PDE7B: variants seen among roughly 807,000 people sequenced by gnomAD.
PDE7B encodes the protein 3',5'-cyclic-AMP phosphodiesterase 7B.
In PDE7B, 29 loss-of-function variants were observed where a neutral mutation model predicts 56.2. The observed-to-expected ratio is 0.52, with a 90% CI of 0.38 to 0.70. PDE7B has a LOEUF of 0.70. Ranked by LOEUF, PDE7B falls within the 30% of genes least tolerant of loss-of-function variation. PDE7B has a pLI of 0.00. For synonymous variants in PDE7B, 197 were observed against 196.9 expected, an observed-to-expected ratio of 1.00 and a Z score of 0.00; for missense variants, 490 against 565.0, an observed-to-expected ratio of 0.87 and a Z score of 1.35.
chr6:136,130,039 G>A (rs972275368), intron 3 of PDE7B, among the ~76,000 whole-genome samples: 2 of 152,140 alleles, frequency 1.3e-5, no homozygotes, highest in Non-Finnish European at 2.9e-5. Flanking sequence ...CAATATAGGT[G>A]TATGTAAGCT....
chr6:136,025,016 G>A (rs1776128829), intron 2 of PDE7B, among the ~76,000 whole-genome samples: 1 of 152,112 alleles, frequency 6.6e-6, no homozygotes, highest in Admixed American at 6.5e-5. Context: ...CCATGTTAAT[G>A]GGGGAAAAGT....
chr6:136,151,837 G>C (rs1417388987), intron 6 of PDE7B, among the ~76,000 whole-genome samples: 1 of 116,910 alleles, frequency 8.6e-6, no homozygotes. Context: ...TACTTGGGAG[G>C]CTGAGGCAGG....
At position 136,092,693 on chromosome 6, in the gene PDE7B, G is replaced by C. The variant is rs185634663; in HGVS notation, c.83-16038G>C. ...GGAGAATCGCTTGATCCCAGGAGGC[G>C]GAGGTTGCAGTGAGCTGAGATCGTG... On this transcript the variant is annotated intron_variant, in intron 2 of 12. Transcript: ENST00000308191. Among the ~76,000 whole-genome samples, 30 of 152,214 alleles carry C rather than the reference G, an allele frequency of 2.0e-4. No homozygotes were observed. The East Asian group carries it at 5.4e-3, about 27-fold the overall frequency.
At chr6:136,026,282 G>T (rs1445375529) in intron 2 of PDE7B, among the ~76,000 whole-genome samples, 1 of 152,090 alleles carries the variant, frequency 6.6e-6, no homozygotes, top group Non-Finnish European at 1.5e-5. Flanking sequence ...CGTGCAACAT[G>T]TTCTTCCTCT....
At chr6:136,088,993 G>C (rs560185071) in intron 2 of PDE7B, among the ~76,000 whole-genome samples, 1 of 147,016 alleles carries the variant, frequency 6.8e-6, no homozygotes, top group African/African-American at 2.6e-5. Context: ...CCTTTCCCCC[G>C]CCAAAAAAAA....
chr6:136,154,034 A>C (rs1778567313), intron 6 of PDE7B, 41 bp from the exon 7 acceptor site: 2 of 1,365,278 alleles, frequency 1.5e-6, no homozygotes, highest in South Asian at 1.2e-5. Context: ...TACCACTCCT[A>C]TTTGGGTTTT....
chr6:136,119,076 G>A (rs925123195), intron 3 of PDE7B, among the ~76,000 whole-genome samples: 3 of 152,148 alleles, frequency 2.0e-5, no homozygotes, highest in African/African-American at 7.2e-5. Context: ...AAATGGAATC[G>A]CTATTGTGAC....
chr6:135,973,406 G>A (rs1775127878), intron 2 of PDE7B, among the ~76,000 whole-genome samples: 1 of 150,932 alleles, frequency 6.6e-6, no homozygotes, highest in African/African-American at 2.5e-5. Context: ...TCCATATCTT[G>A]GCTATTTGAA....
chr6:135,983,722 G>A (rs1775333226), intron 2 of PDE7B, among the ~76,000 whole-genome samples: 1 of 152,156 alleles, frequency 6.6e-6, no homozygotes, highest in Admixed American at 6.5e-5. Context: ...GTGATTCTCT[G>A]CAGTCTATGT....
chr6:136,077,453 G>A (rs1287529515), intron 2 of PDE7B, among the ~76,000 whole-genome samples: 2 of 152,164 alleles, frequency 1.3e-5, no homozygotes, highest in South Asian at 2.1e-4. Context: ...AGTTGTGGGT[G>A]TAGGGAAAGG....
intron 1 of PDE7B, among the ~76,000 whole-genome samples, chr6:135,918,869 G>A (rs148844825): frequency 1.1e-3 from 174 of 152,230 alleles, no homozygotes; most frequent in African/African-American, 4.0e-3. Context: ...AAGTGTTTCC[G>A]ATCAGATTAT....
intron 2 of PDE7B, among the ~76,000 whole-genome samples, chr6:135,965,502 A>C (rs1583799867): frequency 6.6e-6 from 1 of 152,304 alleles, no homozygotes; most frequent in East Asian, 1.9e-4. Context: ...TATAAAGAAA[A>C]AGAGGTTTGA....
intron 11 of PDE7B, 59 bp from the exon 12 acceptor site, chr6:136,186,976 TA>T (rs1450548924): frequency 5.8e-6 from 5 of 859,242 alleles, no homozygotes; most frequent in Non-Finnish European, 9.8e-6. Context: ...AAATTATTAA[TA>T]CTCATTTTAT....
chr6:135,965,345 A>G (rs1180791960), intron 2 of PDE7B, among the ~76,000 whole-genome samples: 2 of 152,180 alleles, frequency 1.3e-5, no homozygotes, highest in East Asian at 3.9e-4. Context: ...CAACTGTCCT[A>G]GGTAGAAGGC....
intron 2 of PDE7B, among the ~76,000 whole-genome samples, chr6:136,056,592 C>T (rs535166139): frequency 2.5e-5 from 3 of 118,022 alleles, no homozygotes; most frequent in African/African-American, 3.3e-5. Flanking sequence ...AGTGCAATGG[C>T]GTGATCTTGG....
intron 2 of PDE7B, among the ~76,000 whole-genome samples, chr6:136,036,104 T>C (rs2128209445): frequency 6.6e-6 from 1 of 152,344 alleles, no homozygotes; most frequent in African/African-American, 2.4e-5. Context: ...AGTCTACATG[T>C]GATTATTAAA....
chr6:135,928,523 A>ATATATATATTTATATATATATATTTATT (rs1774239487), intron 1 of PDE7B, among the ~76,000 whole-genome samples: 1 of 135,430 alleles, frequency 7.4e-6, no homozygotes, highest in African/African-American at 2.6e-5. Flanking sequence ...ATTTATTTAT[A>ATATATATATTTATATATATATATTTATT]TATATACACA....
At chr6:136,107,278 G>T (rs1174195557) in intron 2 of PDE7B, among the ~76,000 whole-genome samples, 2 of 152,042 alleles carry the variant, frequency 1.3e-5, no homozygotes, top group Non-Finnish European at 2.9e-5. Context: ...ACCTTACTTC[G>T]GGAAAAAGGT....
intron 1 of PDE7B, among the ~76,000 whole-genome samples, chr6:135,898,470 G>A (rs1035366619): frequency 6.6e-6 from 1 of 152,020 alleles, no homozygotes; most frequent in Non-Finnish European, 1.5e-5. Flanking sequence ...AGAATATTTT[G>A]TTTGAATGAA....
Sources: gnomAD v4.1 joint callset for allele counts (sites outside exome capture counted in the v4.1 genomes callset) on GRCh38, gnomAD v4.1.1 for gene constraint, MANE v1.5 for transcripts, NCBI Gene and HGNC (gene_info 2026-07-23, HGNC 2026-07-21) for gene names.